Variants in VPS13B observed in about 807,000 individuals in gnomAD.
VPS13B encodes vacuolar protein sorting 13 homolog B, also known as intermembrane lipid transfer protein VPS13B.
VPS13B carries 285 observed loss-of-function variants against 426.4 expected under a neutral mutation model. The ratio of observed to expected loss-of-function variants is 0.67; its 90% confidence interval spans 0.61 to 0.74. VPS13B has a LOEUF of 0.74. Among genes scored for constraint, VPS13B ranks in the 30% least tolerant of loss-of-function variants. The pLI is 0.00. For missense variants in VPS13B, 4,537 were observed against 4,782.6 expected (o/e 0.95, Z 1.51); for synonymous variants, 1,676 against 1,676.4 (o/e 1.00, Z 0.01).
intron 17 of VPS13B, among the ~76,000 whole-genome samples, chr8:99,252,084 T>C (rs1421343086): frequency 6.6e-6 from 1 of 151,780 alleles, no homozygotes; most frequent in East Asian, 1.9e-4. Context: ...TGATTTCTGC[T>C]ATCTTTGTTA....
At chr8:99,560,587 A>G (rs1824858701) in intron 31 of VPS13B, among the ~76,000 whole-genome samples, 1 of 152,190 alleles carries the variant, frequency 6.6e-6, no homozygotes, top group Admixed American at 6.6e-5. Flanking sequence ...TGTGCCCCTG[A>G]GAAGGGGTGT....
chr8:99,875,697 G>A lies in VPS13B; in HGVS notation c.*31G>A, dbSNP rs547224756. Reference sequence around the variant, plus strand: ...CTCTGAGGTGTTTATTCCTGCTTGTGTGATTTAGTTTTTGGGTTTCTTTGA... The same window carrying A: ...CTCTGAGGTGTTTATTCCTGCTTGTATGATTTAGTTTTTGGGTTTCTTTGA... On this transcript the variant is annotated 3_prime_UTR_variant, in exon 62 of 62. Coordinates refer to ENST00000357162, the MANE Select transcript of VPS13B (RefSeq NM_152564.5). The A allele has an allele frequency of 4.2e-5, 68 of 1,613,954 alleles. No homozygotes were observed. In the African/African-American group the frequency reaches 8.3e-4, roughly 20 times the overall value.
At chr8:99,232,126 G>T (rs1816358739) in intron 17 of VPS13B, among the ~76,000 whole-genome samples, 2 of 152,018 alleles carry the variant, frequency 1.3e-5, no homozygotes, top group Admixed American at 6.6e-5. Context: ...CGAGGGTGGT[G>T]TTGCGTAGAT....
At chr8:99,324,555 C>CT (rs1175502509) in intron 19 of VPS13B, among the ~76,000 whole-genome samples, 2 of 152,136 alleles carry the variant, frequency 1.3e-5, no homozygotes, top group African/African-American at 4.8e-5. Flanking sequence ...GCAGCTCTGC[C>CT]TTTTTTCTGA....
At chr8:99,092,439 G>A (rs913410818) in intron 3 of VPS13B, among the ~76,000 whole-genome samples, 1 of 152,092 alleles carries the variant, frequency 6.6e-6, no homozygotes, top group African/African-American at 2.4e-5. Flanking sequence ...TCTTTTATTA[G>A]TAATTAAGGG....
At chr8:99,512,383 G>C (rs746388273) in intron 29 of VPS13B, among the ~76,000 whole-genome samples, 4 of 152,110 alleles carry the variant, frequency 2.6e-5, no homozygotes, top group Non-Finnish European at 5.9e-5. Flanking sequence ...TCATTGCAAA[G>C]GTAATGACCT....
intron 17 of VPS13B, among the ~76,000 whole-genome samples, chr8:99,273,285 A>G (rs1818696842): frequency 6.7e-6 from 1 of 150,302 alleles, no homozygotes; most frequent in Non-Finnish European, 1.5e-5. Context: ...CAGCCTCCCG[A>G]GCAGCTCGGA....
chr8:99,749,074 C>T (rs190046614), intron 39 of VPS13B, among the ~76,000 whole-genome samples: 9 of 151,404 alleles, frequency 5.9e-5, no homozygotes, highest in East Asian at 1.9e-4. Context: ...TTTGAAATTC[C>T]GAGTAGTTAG....
rs561450730 is a variant in VPS13B, at chr8:99,275,340, T to A, written c.2824+86T>A. On this transcript the variant is annotated intron_variant, in intron 19 of 61. Coordinates refer to ENST00000357162, the MANE Select transcript of VPS13B (RefSeq NM_152564.5). Reference sequence around the variant, plus strand: ...GGCTTTTAAAATTGGTATATATTTTTTTTTTTTTAGGTATTTTTGTCAATT... The same window carrying A: ...GGCTTTTAAAATTGGTATATATTTTATTTTTTTTAGGTATTTTTGTCAATT... 3.3e-3 allele frequency: 4,441 copies of A among 1,338,588 alleles called. 144 individuals carry two copies. The African/African-American group carries it at 0.062, about 19-fold the overall frequency. 82.9% of individuals were successfully genotyped at this position (1,338,588 alleles called of 1,614,324 possible). A position where few individuals can be genotyped will look rare whatever the true frequency, so the allele number is the denominator to read the frequency against.
At chr8:99,038,381 T>C (rs757502460) in intron 2 of VPS13B, 42 bp from the exon 3 acceptor site, 2 of 1,488,756 alleles carry the variant, frequency 1.3e-6, no homozygotes, top group South Asian at 2.6e-5. Flanking sequence ...ATAAAAAATA[T>C]TAAGCACTTA....
chr8:99,767,004 A>G (rs1370541019), intron 40 of VPS13B, 34 bp downstream of exon 40: 2 of 1,600,240 alleles, frequency 1.2e-6, no homozygotes, highest in Non-Finnish European at 1.7e-6. Context: ...GTAGCATTAC[A>G]CTGGGAAACA....
At chr8:99,337,090 A>G (rs546469251) in intron 19 of VPS13B, among the ~76,000 whole-genome samples, 2 of 152,236 alleles carry the variant, frequency 1.3e-5, no homozygotes, top group African/African-American at 2.4e-5. Context: ...ACTATTCACA[A>G]TAGCAAAGAC....
chr8:99,111,076 A>C, intron 5 of VPS13B, 22 bp from the exon 6 acceptor site: 1 of 1,593,640 alleles, frequency 6.3e-7, no homozygotes, highest in Non-Finnish European at 8.5e-7. Flanking sequence ...TTTTTACTTA[A>C]AATGTTTTTT....
At chr8:99,726,966 ATTTCT>A (rs1833377399) in intron 39 of VPS13B, among the ~76,000 whole-genome samples, 1 of 152,234 alleles carries the variant, frequency 6.6e-6, no homozygotes, top group Admixed American at 6.5e-5. Flanking sequence ...TCCAGTGGGC[ATTTCT>A]GATCACTTGT....
At chr8:99,205,881 T>G (rs1035855895) in intron 17 of VPS13B, among the ~76,000 whole-genome samples, 1 of 152,122 alleles carries the variant, frequency 6.6e-6, no homozygotes, top group Non-Finnish European at 1.5e-5. Flanking sequence ...CTCTGGTAAA[T>G]GAGATCAGAA....
At chr8:99,870,741 T>C in intron 59 of VPS13B, 44 bp from the exon 60 acceptor site, 1 of 1,582,268 alleles carries the variant, frequency 6.3e-7, no homozygotes, top group South Asian at 1.1e-5. Context: ...GAAACTGTTT[T>C]CCAGAAAACA....
intron 17 of VPS13B, among the ~76,000 whole-genome samples, chr8:99,253,277 A>G (rs1298485126): frequency 6.6e-6 from 1 of 152,134 alleles, no homozygotes; most frequent in East Asian, 1.9e-4. Flanking sequence ...TTTGGCTATT[A>G]GAAATAATGG....
chr8:99,032,144 T>C (rs1184965535), intron 2 of VPS13B, among the ~76,000 whole-genome samples: 2 of 152,212 alleles, frequency 1.3e-5, no homozygotes, highest in African/African-American at 4.8e-5. Flanking sequence ...CAGGCTGATC[T>C]TGGCCAGGTG....
At chr8:99,428,586 A>G (rs928930633) in intron 21 of VPS13B, among the ~76,000 whole-genome samples, 1 of 152,332 alleles carries the variant, frequency 6.6e-6, no homozygotes, top group Admixed American at 6.5e-5. Context: ...ACAGTGAGAT[A>G]CCATCTCACA....
Sources: gnomAD v4.1 joint callset for allele counts (sites outside exome capture counted in the v4.1 genomes callset) on GRCh38, gnomAD v4.1.1 for gene constraint, MANE v1.5 for transcripts, NCBI Gene and HGNC (gene_info 2026-07-23, HGNC 2026-07-21) for gene names.